ERC2: variants seen among roughly 807,000 people sequenced by gnomAD.
ERC2 encodes ELKS/RAB6-interacting/CAST family member 2.
ERC2 carries 42 observed loss-of-function variants against 114.8 expected under a neutral mutation model. The ratio of observed to expected loss-of-function variants is 0.37; its 90% CI spans 0.29 to 0.47. The LOEUF is 0.47. Ranked by LOEUF, ERC2 falls within the 20% of genes least tolerant of loss-of-function variation. The pLI is 0.99. For synonymous variants in ERC2, 454 were observed against 425.5 expected, an observed-to-expected ratio of 1.07 and a Z score of -0.82; for missense variants, 939 against 1,150.7, an observed-to-expected ratio of 0.82 and a Z score of 2.66.
intron 2 of ERC2, among the ~76,000 whole-genome samples, chr3:56,345,440 C>T (rs1394147924): frequency 6.6e-6 from 1 of 152,166 alleles, no homozygotes; most frequent in East Asian, 1.9e-4. Flanking sequence ...AACTCAGGTG[C>T]TTATAGTTCA....
intron 3 of ERC2, among the ~76,000 whole-genome samples, chr3:56,190,362 T>C (rs2150067581): frequency 6.6e-6 from 1 of 152,220 alleles, no homozygotes; most frequent in Admixed American, 6.5e-5. Flanking sequence ...GAGAATGAAG[T>C]GGTTACCAGG....
chr3:56,332,473 C>T (rs113708791), intron 2 of ERC2, among the ~76,000 whole-genome samples: 167 of 152,278 alleles, frequency 1.1e-3, no homozygotes, highest in African/African-American at 3.4e-3. Context: ...TAAAGTAATA[C>T]GCCCAACAAC....
intron 3 of ERC2, among the ~76,000 whole-genome samples, chr3:56,251,705 G>A (rs1363258596): frequency 6.6e-6 from 1 of 152,206 alleles, no homozygotes; most frequent in Non-Finnish European, 1.5e-5. Context: ...CACATGCTAG[G>A]TGAAATGCTG....
At chr3:56,242,859 T>C (rs2051417216) in intron 3 of ERC2, among the ~76,000 whole-genome samples, 1 of 152,190 alleles carries the variant, frequency 6.6e-6, no homozygotes, top group Non-Finnish European at 1.5e-5. Context: ...AAAAAGCAGT[T>C]AATGTATGCT....
intron 15 of ERC2, among the ~76,000 whole-genome samples, chr3:55,705,851 T>C (rs549560082): frequency 6.6e-6 from 1 of 151,528 alleles, no homozygotes; most frequent in South Asian, 2.1e-4. Context: ...ACCTACTCAT[T>C]AAGCACTTTT....
chr3:55,839,227 T>C (rs2061026250), intron 14 of ERC2, among the ~76,000 whole-genome samples: 1 of 151,746 alleles, frequency 6.6e-6, no homozygotes, highest in Admixed American at 6.6e-5. Context: ...TAGGATACTC[T>C]TACTACAAAA....
chr3:56,412,492 A>G (rs1283886647), intron 2 of ERC2, among the ~76,000 whole-genome samples: 1 of 152,262 alleles, frequency 6.6e-6, no homozygotes, highest in African/African-American at 2.4e-5. Context: ...GCACGCTGTC[A>G]AGCACACAAG....
At chr3:55,671,172 C>A (rs1469251061) in intron 17 of ERC2, among the ~76,000 whole-genome samples, 1 of 152,160 alleles carries the variant, frequency 6.6e-6, no homozygotes, top group East Asian at 1.9e-4. Context: ...AACAGATGAA[C>A]ATTTGCAATA....
intron 12 of ERC2, among the ~76,000 whole-genome samples, chr3:55,984,854 T>C (rs1249308853): frequency 2.0e-5 from 3 of 152,158 alleles, no homozygotes; most frequent in African/African-American, 7.2e-5. Context: ...GCCACCAGGA[T>C]TGGAAGCCAG....
intron 2 of ERC2, among the ~76,000 whole-genome samples, chr3:56,386,124 A>G (rs1363948715): frequency 6.6e-6 from 1 of 152,128 alleles, no homozygotes; most frequent in Non-Finnish European, 1.5e-5. Context: ...GCTCTATAAA[A>G]ATTAGAGATC....
At chr3:56,415,629 G>T (rs1452608547) in intron 2 of ERC2, among the ~76,000 whole-genome samples, 1 of 152,206 alleles carries the variant, frequency 6.6e-6, no homozygotes, top group Non-Finnish European at 1.5e-5. Flanking sequence ...GGAGGATAGG[G>T]TATATTTCTG....
intron 6 of ERC2, among the ~76,000 whole-genome samples, chr3:56,137,829 C>T (rs527657610): frequency 3.3e-5 from 5 of 152,170 alleles, no homozygotes; most frequent in Non-Finnish European, 5.9e-5. Context: ...GACTATAGAA[C>T]TACAGTTTGA....
At chr3:55,539,968 C>A (rs1260327460) in intron 17 of ERC2, among the ~76,000 whole-genome samples, 2 of 139,862 alleles carry the variant, frequency 1.4e-5, no homozygotes, top group African/African-American at 5.4e-5. Context: ...TTCTATGGAA[C>A]CAGTGTTTAT....
At chr3:55,513,849 C>T (rs1240965588) in intron 17 of ERC2, among the ~76,000 whole-genome samples, 5 of 151,904 alleles carry the variant, frequency 3.3e-5, no homozygotes, top group South Asian at 4.2e-4. Flanking sequence ...TGCCCAGGCT[C>T]GTCTCAAACT....
chr3:56,080,791 T>C (rs1426845000), intron 7 of ERC2, 26 bp downstream of exon 7: 1 of 1,604,648 alleles, frequency 6.2e-7, no homozygotes, highest in Non-Finnish European at 8.5e-7. Context: ...GATACCCCAC[T>C]TGAAGGTCTT....
At chr3:56,357,034 T>C (rs981288518) in intron 2 of ERC2, among the ~76,000 whole-genome samples, 2 of 152,284 alleles carry the variant, frequency 1.3e-5, no homozygotes, top group South Asian at 2.1e-4. Context: ...AACAAGCAGA[T>C]AGTAAATATT....
At chr3:56,027,828 C>T (rs1235539924) in intron 7 of ERC2, among the ~76,000 whole-genome samples, 2 of 152,122 alleles carry the variant, frequency 1.3e-5, no homozygotes, top group Non-Finnish European at 2.9e-5. Context: ...TCTTTCCTTT[C>T]ATGGATCATA....
At chr3:55,668,300 T>C (rs1440067382) in intron 17 of ERC2, among the ~76,000 whole-genome samples, 1 of 152,102 alleles carries the variant, frequency 6.6e-6, no homozygotes, top group African/African-American at 2.4e-5. Flanking sequence ...CGGAATGTGA[T>C]GGGGAATGAC....
intron 13 of ERC2, among the ~76,000 whole-genome samples, chr3:55,930,036 C>T (rs1409212814): frequency 9.9e-5 from 15 of 152,094 alleles, no homozygotes; most frequent in Admixed American, 5.2e-4. Flanking sequence ...GTCAGGAATT[C>T]GAGACCAGCC....
Sources: allele counts gnomAD v4.1 joint callset (sites outside exome capture counted in the v4.1 genomes callset), GRCh38; gene constraint gnomAD v4.1.1; transcripts MANE v1.5; gene names NCBI Gene and HGNC (gene_info 2026-07-23, HGNC 2026-07-21).